PPP4R3A: variants seen among roughly 807,000 people sequenced by gnomAD.
PPP4R3A encodes serine/threonine-protein phosphatase 4 regulatory subunit 3A.
PPP4R3A carries 15 observed loss-of-function variants against 91.7 expected under a neutral mutation model. That is an observed-to-expected ratio of 0.16 (90% CI 0.11 to 0.25). The LOEUF (loss-of-function observed/expected upper bound fraction) is 0.25. PPP4R3A is among the 10% of genes least tolerant of loss of function. PPP4R3A has a pLI of 1.00. For synonymous variants in PPP4R3A, 377 were observed against 348.7 expected, an observed-to-expected ratio of 1.08 and a Z score of -0.91; for missense variants, 623 against 998.4, an observed-to-expected ratio of 0.62 and a Z score of 5.07.
chr14:91,474,375 T>C (rs1447530512), intron 7 of PPP4R3A, among the ~76,000 whole-genome samples: 2 of 152,120 alleles, frequency 1.3e-5, no homozygotes, highest in Non-Finnish European at 2.9e-5. Context: ...CTTGCCTATG[T>C]GTATGCAAAG....
chr14:91,498,132 C>T lies in PPP4R3A; in HGVS notation c.143-7330G>A, dbSNP rs180790181. The stretch of plus-strand genomic sequence containing the variant: ...GGCGAATCACTTGATGTCAGGAATT[C>T]GAGATCAGCCTGGCCAACATGGTGA... On this transcript the variant is annotated intron_variant, in intron 1 of 14. Transcript: ENST00000554943. 1.4e-4 allele frequency among the ~76,000 whole-genome samples: 21 copies of T among 152,162 alleles called. No individual in the cohort carries two copies. In the East Asian group the frequency reaches 3.9e-3, roughly 28 times the overall value.
intron 1 of PPP4R3A, among the ~76,000 whole-genome samples, chr14:91,500,578 TATTAATAATGACCCATAAACACCAAGC>T (rs1188166556): frequency 2.0e-5 from 3 of 152,084 alleles, no homozygotes; most frequent in East Asian, 1.9e-4. Context: ...GGAAAACGAG[TATTAATAATGACCCATAAACACCAAGC>T]ATTAATAATG....
chr14:91,471,840 G>A (rs1233195524), intron 9 of PPP4R3A, among the ~76,000 whole-genome samples: 1 of 152,148 alleles, frequency 6.6e-6, no homozygotes. Flanking sequence ...AAGGTGGGCA[G>A]ATCACTTGAG....
intron 2 of PPP4R3A, among the ~76,000 whole-genome samples, chr14:91,486,155 T>C (rs2140123405): frequency 6.6e-6 from 1 of 152,250 alleles, no homozygotes; most frequent in Admixed American, 6.5e-5. Context: ...TGTCAGCAGG[T>C]GTTTTTCACC....
intron 11 of PPP4R3A, among the ~76,000 whole-genome samples, chr14:91,463,303 G>C (rs1195198896): frequency 6.6e-6 from 1 of 152,056 alleles, no homozygotes; most frequent in Non-Finnish European, 1.5e-5. Flanking sequence ...GACCTCAGGT[G>C]ATCTGCCTGC....
intron 10 of PPP4R3A, among the ~76,000 whole-genome samples, chr14:91,465,822 C>A (rs1364016215): frequency 6.6e-6 from 1 of 152,106 alleles, no homozygotes; most frequent in East Asian, 1.9e-4. Context: ...TTAGGGCAAT[C>A]CACTGTATAA....
chr14:91,471,108 TAAC>T, intron 9 of PPP4R3A, 113 bp from the exon 10 acceptor site: 1 of 990,848 alleles, frequency 1.0e-6, no homozygotes. Flanking sequence ...CTAAATATAT[TAAC>T]TTTAGGGAGG....
intron 10 of PPP4R3A, among the ~76,000 whole-genome samples, chr14:91,467,150 C>T (rs1888525938): frequency 6.6e-6 from 1 of 152,198 alleles, no homozygotes; most frequent in African/African-American, 2.4e-5. Flanking sequence ...TTTGCTCTTA[C>T]ATTTTATATC....
At chr14:91,488,444 TCA>T (rs1567158151) in intron 2 of PPP4R3A, among the ~76,000 whole-genome samples, 1 of 152,160 alleles carries the variant, frequency 6.6e-6, no homozygotes, top group African/African-American at 2.4e-5. Context: ...CTTCCATATA[TCA>T]CAGACACCAG....
Position 91,470,970 on chromosome 14 carries a change from C to T in PPP4R3A, c.1527G>A (p.Leu509=). The part of the protein sequence containing the change: ...SKDDFQTAQL[L]ALVLELLTFC... Reference sequence around the variant, plus strand: ...ATGTTAACAATTCCAATACAAGTGCCAATAGTTGGGCAGTCTGAAAATCAT... The same window carrying T: ...ATGTTAACAATTCCAATACAAGTGCTAATAGTTGGGCAGTCTGAAAATCAT... The change falls in exon 10 of 15, where the codon TTG becomes TTA. Residue 509 remains leucine (L), a synonymous_variant. Coordinates refer to ENST00000554943, the MANE Select transcript of PPP4R3A (RefSeq NM_001366432.2). 1 of 1,603,128 alleles carries T rather than the reference C, an allele frequency of 6.2e-7. No individual in the cohort carries two copies. The highest frequency in any genetic ancestry group is 8.5e-7 in the Non-Finnish European group (1 of 1,177,718).
chr14:91,476,478 G>C lies in PPP4R3A; in HGVS notation c.1040C>G (p.Pro347Arg). ...EFCAFSQTLQPQNRDAFFKTL... is the reference protein window; with the variant it reads ...EFCAFSQTLQRQNRDAFFKTL... The stretch of plus-strand genomic sequence containing the variant: ...CTTGAAAAAAGCATCTCTGTTTTGA[G>C]GCTGTAGCGTTTGGGAAAACGCACA... The change falls in exon 6 of 15, where the codon CCT becomes CGT. Residue 347 changes from proline (P) to arginine (R), a missense_variant. Transcript: ENST00000554943. The C allele has an allele frequency of 6.2e-7, 1 of 1,610,732 alleles. No individual in the cohort carries two copies. The highest frequency in any genetic ancestry group is 8.5e-7 in the Non-Finnish European group (1 of 1,178,994).
At chr14:91,503,335 G>C (rs1891076775) in intron 1 of PPP4R3A, among the ~76,000 whole-genome samples, 1 of 151,844 alleles carries the variant, frequency 6.6e-6, no homozygotes, top group South Asian at 2.1e-4. Flanking sequence ...CATCAGCCAG[G>C]CTGGAGTAGT....
chr14:91,475,744 G>A (rs201697707), intron 7 of PPP4R3A, 67 bp downstream of exon 7: 71 of 1,259,102 alleles, frequency 5.6e-5, no homozygotes, highest in Non-Finnish European at 6.8e-5. Context: ...AATCTTAAAA[G>A]TGAATAATAA....
chr14:91,485,817 A>C, intron 2 of PPP4R3A, 87 bp from the exon 3 acceptor site: 2 of 905,884 alleles, frequency 2.2e-6, no homozygotes, highest in African/African-American at 1.7e-5. Context: ...AACTGTGCTC[A>C]TTTTTACTTT....
intron 7 of PPP4R3A, chr14:91,474,919 A>G (rs186873283): frequency 2.6e-5 from 4 of 152,356 alleles, no homozygotes; most frequent in Non-Finnish European, 4.4e-5. Context: ...CACTATAAAA[A>G]TAAAAACTTA....
At chr14:91,488,628 A>G (rs772699949) in intron 2 of PPP4R3A, among the ~76,000 whole-genome samples, 4 of 152,214 alleles carry the variant, frequency 2.6e-5, no homozygotes, top group Non-Finnish European at 5.9e-5. Context: ...GGCAGCCTAA[A>G]TACTTTACAA....
At chr14:91,462,712 G>T in intron 12 of PPP4R3A, 23 bp downstream of exon 12, 4 of 1,612,708 alleles carry the variant, frequency 2.5e-6, no homozygotes. Context: ...TGAACGAATA[G>T]GTTTAAATAT....
Position 91,473,062 on chromosome 14 carries a change from G to C in PPP4R3A, c.1472C>G (p.Ala491Gly). Residue 491 changes from alanine (A) to glycine (G), a missense_variant, in exon 9 of 15, where the codon GCA becomes GGA. Ala to Gly is a moderately conservative substitution (Grantham distance 60). Transcript: ENST00000554943. ...CMHVLTAPLL[A>G]NTTEDKPSKD... ...ACTAGGTTTGTCTTCTGTTGTATTT[G>C]CTAGTAAAGGAGCAGTGAGAACATG... is the stretch of plus-strand genomic sequence containing the variant. 1 of 1,614,068 alleles carries C rather than the reference G, an allele frequency of 6.2e-7. No homozygotes were observed. Among genetic ancestry groups the C allele is most frequent in the East Asian group, 2.2e-5 (1 of 44,870 alleles).
At position 91,461,462 on chromosome 14, in the gene PPP4R3A, T is replaced by G. The variant is rs762119471; in HGVS notation, c.2310A>C (p.Gly770=). 1.2e-6 allele frequency: 2 copies of G among 1,614,132 alleles called. No individual in the cohort carries two copies. Among genetic ancestry groups the G allele is most frequent in the Admixed American group, 1.7e-5 (1 of 60,010 alleles). Residue 770 remains glycine (G), a synonymous_variant, in exon 14 of 15, where the codon GGA becomes GGC. Transcript: ENST00000554943. ...CTGGAGATCCTGGGGATCCAGGTGA[T>G]CCCGGAGAACCAGGCAGATTTGTTG... The part of the protein sequence containing the change: ...SSTTNLPGSP[G]SPGSPGSPGS...
Sources: gnomAD v4.1 joint callset for allele counts (sites outside exome capture counted in the v4.1 genomes callset) on GRCh38, gnomAD v4.1.1 for gene constraint, MANE v1.5 for transcripts, NCBI Gene and HGNC (gene_info 2026-07-23, HGNC 2026-07-21) for gene names.